NDUFA10: variants seen among roughly 807,000 people sequenced by gnomAD.
NDUFA10 encodes the protein NADH dehydrogenase [ubiquinone] 1 alpha subcomplex subunit 10, mitochondrial.
Under a neutral mutation model 47.8 loss-of-function variants are expected in NDUFA10, and 40 were observed. That is an observed-to-expected ratio of 0.84 (90% CI 0.65 to 1.09). The LOEUF (loss-of-function observed/expected upper bound fraction) is 1.09. Ranked by LOEUF, NDUFA10 falls within the 50% of genes least tolerant of loss-of-function variation. The pLI is 0.00. For missense variants in NDUFA10, 413 were observed against 451.1 expected (o/e 0.92, Z 0.76); for synonymous variants, 183 against 172.2 (o/e 1.06, Z -0.49).
intron 6 of NDUFA10, among the ~76,000 whole-genome samples, chr2:240,009,286 T>C (rs3792086): frequency 0.58 from 88,049 of 152,070 alleles, 25,653 homozygotes; most frequent in Admixed American, 0.6. Flanking sequence ...CCTTCCCTAC[T>C]CTGTCTTGTG....
chr2:239,923,275 T>C (rs1694018764), intron 4 of NDUFA10, among the ~76,000 whole-genome samples: 1 of 152,232 alleles, frequency 6.6e-6, no homozygotes. Flanking sequence ...TCAGCAAAGA[T>C]GCATAAAAAC....
intron 8 of NDUFA10, 103 bp downstream of exon 8, chr2:240,005,107 G>T: frequency 9.6e-7 from 1 of 1,046,090 alleles, no homozygotes. Flanking sequence ...GGTTGGTGCT[G>T]CTAACACCTA....
intron 9 of NDUFA10, among the ~76,000 whole-genome samples, chr2:239,966,710 G>T (rs1695076421): frequency 6.6e-6 from 1 of 152,196 alleles, no homozygotes; most frequent in Non-Finnish European, 1.5e-5. Flanking sequence ...ACACACACAG[G>T]TGCTACCCTC....
At chr2:239,995,706 T>C (rs1696445273) in intron 8 of NDUFA10, among the ~76,000 whole-genome samples, 2 of 152,008 alleles carry the variant, frequency 1.3e-5, no homozygotes, top group Admixed American at 1.3e-4. Flanking sequence ...CTACTTACTA[T>C]CTACAAGAAA....
intron 9 of NDUFA10, among the ~76,000 whole-genome samples, chr2:239,968,163 A>G (rs1354510371): frequency 6.6e-6 from 1 of 152,238 alleles, no homozygotes; most frequent in African/African-American, 2.4e-5. Flanking sequence ...TAGAAGATGG[A>G]AGGTGATGGA....
chr2:239,914,655 G>A (rs1025305582), intron 4 of NDUFA10, among the ~76,000 whole-genome samples: 1 of 68,224 alleles, frequency 1.5e-5, no homozygotes, highest in Non-Finnish European at 2.7e-5. Context: ...TACATACACA[G>A]ACACACACAA....
At chr2:239,991,466 A>G (rs971692608) in intron 8 of NDUFA10, among the ~76,000 whole-genome samples, 2 of 152,200 alleles carry the variant, frequency 1.3e-5, no homozygotes, top group East Asian at 1.9e-4. Flanking sequence ...TTTTACTATT[A>G]AGTTGGTTTT....
At chr2:239,988,654 A>G (rs1384077081) in intron 9 of NDUFA10, among the ~76,000 whole-genome samples, 1 of 152,212 alleles carries the variant, frequency 6.6e-6, no homozygotes. Context: ...TGTGAAACAG[A>G]CGCAACAGGA....
intron 9 of NDUFA10, chr2:239,983,811 C>T: frequency 4.0e-6 from 6 of 1,498,136 alleles, no homozygotes; most frequent in Non-Finnish European, 5.4e-6. Flanking sequence ...GAAAATGTTA[C>T]AACCAAGAGG....
chr2:239,920,819 G>C (rs563095478), intron 4 of NDUFA10, among the ~76,000 whole-genome samples: 4 of 152,326 alleles, frequency 2.6e-5, no homozygotes, highest in African/African-American at 9.6e-5. Flanking sequence ...GGCAGATGCA[G>C]ATGAACACAG....
At position 239,928,484 on chromosome 2, in the gene NDUFA10, G is replaced by C. The variant is rs138426305; in HGVS notation, c.295-33170C>G. Among the ~76,000 whole-genome samples, 259 of 152,232 alleles carry C rather than the reference G, an allele frequency of 1.7e-3. 3 individuals carry two copies. In the South Asian group the frequency reaches 0.038, roughly 22 times the overall value. The stretch of plus-strand genomic sequence containing the variant: ...AGTTCCTCATGGCAGGAAATCCCCC[G>C]AATCCACGCCAGACTCCTCGGCCCT... On this transcript the variant is annotated intron_variant, in intron 4 of 5. Transcript: ENST00000419408. This position sits in a 1 kb window ranked among gnomAD's most constrained non-coding sequence, Gnocchi z 4.3.
In NDUFA10 at chr2:239,990,070, T is replaced by C. The variant is rs778359023; in HGVS notation, c.999+4A>G. On this transcript the variant is annotated splice_donor_region_variant and intron_variant, in intron 9 of 9. Transcript: ENST00000252711. ...GCCAGCTTTCTCCATTTCCACAGTC[T>C]TACCTCTCTGAACTGATGTAAGACA... The C allele has an allele frequency of 3.2e-5, 51 of 1,597,994 alleles. No individual in the cohort carries two copies. The Middle Eastern group carries it at 9.9e-4, about 31-fold the overall frequency.
chr2:240,021,135 T>C, intron 3 of NDUFA10, 62 bp downstream of exon 3: 1 of 1,416,108 alleles, frequency 7.1e-7, no homozygotes, highest in Non-Finnish European at 9.9e-7. Flanking sequence ...CAATTTAACG[T>C]GGTTGAATTC....
At chr2:240,007,503 G>T in intron 6 of NDUFA10, 133 bp from the exon 7 acceptor site, 2 of 698,816 alleles carry the variant, frequency 2.9e-6, no homozygotes, top group Admixed American at 2.1e-5. Context: ...GCATTGTGCT[G>T]GGCATGTGAG....
chr2:239,897,261 CTAAT>C (rs1693415959), intron 4 of NDUFA10, among the ~76,000 whole-genome samples: 1 of 152,090 alleles, frequency 6.6e-6, no homozygotes, highest in Non-Finnish European at 1.5e-5. Flanking sequence ...ATTGCAGTAG[CTAAT>C]TATTCAAGTT....
chr2:239,922,821 T>C (rs1694010839), intron 4 of NDUFA10, among the ~76,000 whole-genome samples: 1 of 152,192 alleles, frequency 6.6e-6, no homozygotes. Flanking sequence ...CCATCACAGG[T>C]GTGCAGTGTG....
At chr2:239,911,775 A>G (rs1192665578) in intron 4 of NDUFA10, among the ~76,000 whole-genome samples, 3 of 149,698 alleles carry the variant, frequency 2.0e-5, no homozygotes, top group Non-Finnish European at 4.4e-5. Context: ...TCTCTTGTGC[A>G]CACACACACC....
chr2:239,915,353 A>C (rs1327354553), intron 4 of NDUFA10, among the ~76,000 whole-genome samples: 2 of 150,636 alleles, frequency 1.3e-5, no homozygotes, highest in Non-Finnish European at 3.0e-5. Context: ...ACTCAGACAC[A>C]CACAAATATA....
intron 4 of NDUFA10, among the ~76,000 whole-genome samples, chr2:239,939,797 T>C (rs1694328577): frequency 1.3e-5 from 2 of 152,222 alleles, no homozygotes; most frequent in Admixed American, 1.3e-4. Context: ...CAGCTATGCC[T>C]GGCCCTGGGG....
Sources: allele counts gnomAD v4.1 joint callset (sites outside exome capture counted in the v4.1 genomes callset), GRCh38; gene constraint gnomAD v4.1.1; non-coding constraint Gnocchi (gnomAD v3.1); transcripts MANE v1.5; gene names NCBI Gene and HGNC (gene_info 2026-07-23, HGNC 2026-07-21).